Variants in SPATA24 observed in about 807,000 individuals in gnomAD.
SPATA24 encodes spermatogenesis-associated protein 24.
SPATA24 carries 21 observed loss-of-function variants against 28.9 expected under a neutral mutation model. That is an observed-to-expected ratio of 0.73 (90% CI 0.52 to 1.05). SPATA24 has a LOEUF of 1.05. Ranked by LOEUF, SPATA24 falls within the 50% of genes least tolerant of loss-of-function variation. SPATA24 has a pLI of 0.00. For missense variants in SPATA24, 215 were observed against 242.9 expected (o/e 0.88, Z 0.76); for synonymous variants, 76 against 89.9 (o/e 0.85, Z 0.88).
downstream of SPATA24, chr5:139,393,725 G>A (rs1287596225): frequency 1.9e-6 from 3 of 1,551,158 alleles, no homozygotes; most frequent in African/African-American, 2.7e-5. Context: ...GGAGGGGAAG[G>A]GCTTCTCCTG....
downstream of SPATA24, chr5:139,394,530 C>A (rs1758660338): frequency 3.4e-6 from 5 of 1,480,774 alleles, no homozygotes; most frequent in Non-Finnish European, 4.5e-6. Flanking sequence ...ACTCGAACTG[C>A]GCTGGGGCGG....
chr5:139,403,881 G>C (rs1245461276), intron 1 of SPATA24, 63 bp downstream of exon 1: 5 of 1,381,210 alleles, frequency 3.6e-6, no homozygotes, highest in Non-Finnish European at 5.0e-6. Context: ...AACAGGTTCT[G>C]GCCCCGCCCC....
chr5:139,402,726 G>A (rs910391093), intron 1 of SPATA24, 33 bp from the exon 2 acceptor site: 3 of 1,539,526 alleles, frequency 1.9e-6, no homozygotes, highest in Non-Finnish European at 2.6e-6. Context: ...GAGGGCCTGG[G>A]GCTGGAGTAG....
intron 4 of SPATA24, 73 bp downstream of exon 4, chr5:139,401,682 G>T: frequency 1.4e-6 from 2 of 1,470,492 alleles, no homozygotes; most frequent in Non-Finnish European, 1.9e-6. Flanking sequence ...CCCTGCCTTT[G>T]ACACAGGCAC....
chr5:139,395,530 T>G, downstream of SPATA24: 1 of 164,178 alleles, frequency 6.1e-6, no homozygotes, highest in Non-Finnish European at 1.3e-5. Flanking sequence ...GGGCCAGCAA[T>G]TTCATCTTCC....
chr5:139,402,408 T>TA (rs60531109), intron 2 of SPATA24, among the ~76,000 whole-genome samples: 8 of 150,582 alleles, frequency 5.3e-5, no homozygotes, highest in African/African-American at 1.7e-4. Context: ...TATATATATA[T>TA]TTTTTTGTAT....
At chr5:139,401,509 G>A in intron 4 of SPATA24, 1 of 639,782 alleles carries the variant, frequency 1.6e-6, no homozygotes, top group East Asian at 2.7e-5. Context: ...GTATGTTTCA[G>A]GAAAAATGGG....
At chr5:139,392,953 G>A, downstream of SPATA24, 1 of 1,510,728 alleles carries the variant, frequency 6.6e-7, no homozygotes, top group Non-Finnish European at 8.9e-7. The surrounding 1 kb of genome is among the most constrained non-coding windows in gnomAD (Gnocchi z 5.8). Flanking sequence ...GTTGGGCTGT[G>A]AGGCGTCCCG....
downstream of SPATA24, chr5:139,395,290 C>T (rs1337840167): frequency 4.6e-6 from 2 of 432,546 alleles, no homozygotes; most frequent in Non-Finnish European, 7.9e-6. Flanking sequence ...ACCCCCTTCT[C>T]AGGCACAAGC....
At chr5:139,393,214 C>G, downstream of SPATA24, 1 of 1,549,366 alleles carries the variant, frequency 6.5e-7, no homozygotes. Flanking sequence ...GTCTCGAGGC[C>G]GCGGAATGGC....
At chr5:139,401,689 G>A in intron 4 of SPATA24, 66 bp downstream of exon 4, 1 of 1,480,554 alleles carries the variant, frequency 6.8e-7, no homozygotes, top group Non-Finnish European at 9.2e-7. Context: ...TTTGACACAG[G>A]CACTGGGTGG....
rs142035112 is a variant in SPATA24 at position 139,397,388 on chromosome 5, G to A, written c.386-245C>T. On this transcript the variant is annotated intron_variant, in intron 4 of 5. Coordinates refer to ENST00000450845, the MANE Select transcript of SPATA24 (RefSeq NM_194296.2). ...CCAGAGGACCCACATGAGGGCAGGA[G>A]AAGGTCCTTGGAGAGAAGTGGGCAG... is the stretch of plus-strand genomic sequence containing the variant. 6.6e-5 allele frequency among the ~76,000 whole-genome samples: 10 copies of A among 152,336 alleles called. No homozygotes were observed. The East Asian group carries it at 1.9e-3, about 29-fold the overall frequency.
chr5:139,400,378 C>G (rs984888658), intron 4 of SPATA24, among the ~76,000 whole-genome samples: 1 of 148,278 alleles, frequency 6.7e-6, no homozygotes, highest in Non-Finnish European at 1.5e-5. Flanking sequence ...ATGATCCTGG[C>G]TCACTGCAAC....
At chr5:139,401,667 T>A (rs888120229) in intron 4 of SPATA24, 88 bp downstream of exon 4, 12 of 1,405,908 alleles carry the variant, frequency 8.5e-6, no homozygotes, top group Middle Eastern at 1.8e-4. Context: ...GGTGTTAGAG[T>A]GAAACCCTGC....
intron 4 of SPATA24, 155 bp downstream of exon 4, chr5:139,401,599 TA>T: frequency 1.3e-6 from 1 of 783,410 alleles, no homozygotes; most frequent in Non-Finnish European, 2.2e-6. Flanking sequence ...CCTGGTCCCT[TA>T]AGGCCTTTTC....
rs774861309 is a variant in SPATA24 at position 139,404,023 on chromosome 5, C to A, written c.38G>T (p.Gly13Val). The A allele has an allele frequency of 6.4e-7, 1 of 1,551,912 alleles. No homozygotes were observed. Among genetic ancestry groups the A allele is most frequent in the South Asian group, 1.2e-5 (1 of 84,060 alleles). Residue 13 changes from glycine (G) to valine (V), a missense_variant, in exon 1 of 6, where the codon GGA becomes GTA. Transcript: ENST00000450845. The stretch of plus-strand genomic sequence containing the variant: ...TTGATCTAAAGCGAGACACACAGAT[C>A]CTGACCCCGCCTTCGACCACCCGAG... Reference protein sequence around the residue: ...TPLGWSKAGSGSVCLALDQLR... With the variant: ...TPLGWSKAGSVSVCLALDQLR...
chr5:139,396,518 A>G (rs1335799859), downstream of SPATA24: 1 of 1,250,414 alleles, frequency 8.0e-7, no homozygotes, highest in African/African-American at 1.5e-5. Context: ...CCTGTAGTCA[A>G]GTTGGGAAGT....
At chr5:139,398,166 GAGA>G (rs1272685020) in intron 4 of SPATA24, among the ~76,000 whole-genome samples, 19 of 152,222 alleles carry the variant, frequency 1.2e-4, no homozygotes, top group Admixed American at 7.8e-4. Context: ...GGGGTGGTGG[GAGA>G]AGATGGGAGT....
rs1156798885 is a variant in SPATA24, at chr5:139,396,910, G to A, written c.508C>T (p.Arg170Trp). The A allele has an allele frequency of 2.6e-5, 40 of 1,551,542 alleles. No homozygotes were observed. Among genetic ancestry groups the A allele is most frequent in the Non-Finnish European group, 3.5e-5 (40 of 1,146,988 alleles). The change falls in exon 6 of 6, where the codon CGG becomes TGG. Residue 170 changes from arginine to tryptophan, a missense_variant. By Grantham distance (101) the Arg-to-Trp change is moderately radical. Transcript: ENST00000450845. ...TAGCTCTCCTGCTGCTTCTGGATCCGGAAGTCAGACATGTGATTCCTGCAA... is the reference window on the plus strand; with the variant it reads ...TAGCTCTCCTGCTGCTTCTGGATCCAGAAGTCAGACATGTGATTCCTGCAA... ...QIFRNHMSDF[R>W]IQKQQESYMA...
Sources: allele counts gnomAD v4.1 joint callset (sites outside exome capture counted in the v4.1 genomes callset), GRCh38; gene constraint gnomAD v4.1.1; non-coding constraint Gnocchi (gnomAD v3.1); transcripts MANE v1.5; gene names NCBI Gene and HGNC (gene_info 2026-07-23, HGNC 2026-07-21).